MUC4: variants seen among roughly 807,000 people sequenced by gnomAD.
MUC4 encodes mucin-4.
Under a neutral mutation model 257.9 loss-of-function variants are expected in MUC4, and 202 were observed. The ratio of observed to expected loss-of-function variants is 0.78; its 90% confidence interval spans 0.70 to 0.88. The LOEUF (loss-of-function observed/expected upper bound fraction) is 0.88, where lower values mean the gene tolerates loss of function less well. Among genes scored for constraint, MUC4 ranks in the 40% least tolerant of loss-of-function variants. MUC4 has a pLI of 0.00. For synonymous variants in MUC4, 2,351 were observed against 2,757.1 expected, an observed-to-expected ratio of 0.85 and a Z score of 4.62; for missense variants, 5,976 against 6,513.7, an observed-to-expected ratio of 0.92 and a Z score of 2.84.
At chr3:195,767,903 ACCATCACCATCG>A (rs1395445032) in intron 7 of MUC4, among the ~76,000 whole-genome samples, 1 of 133,292 alleles carries the variant, frequency 7.5e-6, no homozygotes, top group Non-Finnish European at 1.5e-5. Context: ...CACCATCACC[ACCATCACCATCG>A]CCACTGCCAC....
In MUC4 at chr3:195,760,966, G is replaced by A; in HGVS notation, c.14766C>T (p.Asp4922=). The A allele has an allele frequency of 6.2e-7, 1 of 1,614,214 alleles. No homozygotes were observed. The highest frequency in any genetic ancestry group is 8.5e-7 in the Non-Finnish European group (1 of 1,180,032). Residue 4922 remains aspartate (D), a synonymous_variant, in exon 16 of 25, where the codon GAC becomes GAT. Transcript: ENST00000463781. ...TGCTTGCGTTGCGCAGGGCCAGGGT[G>A]TCATAGATGCATGAGCTATCTCCGT... ...NCDGDSSCIY[D]TLALRNASIG... is the part of the protein sequence containing the mutation.
At position 195,765,390 on chromosome 3, in the gene MUC4, C is replaced by T. The variant is rs777529013; in HGVS notation, c.13678G>A (p.Glu4560Lys). 13 of 1,613,406 alleles carry T rather than the reference C, an allele frequency of 8.1e-6. No individual in the cohort carries two copies. The highest frequency in any genetic ancestry group is 4.5e-5 in the East Asian group (2 of 44,890). The change falls in exon 9 of 25, where the codon GAG becomes AAG. Residue 4560 changes from glutamate to lysine, a missense_variant. By Grantham distance (56) the Glu-to-Lys change is moderately conservative. Coordinates refer to ENST00000463781, the MANE Select transcript of MUC4 (RefSeq NM_018406.7). The stretch of plus-strand genomic sequence containing the variant: ...TGGCTCTTCAGCCACTGCAGGCACT[C>T]GAGACGGTAGTTGGGCCTTTCTTCC... Reference protein sequence around the residue: ...HREERPNYRLECLQWLKSQPR... With the variant: ...HREERPNYRLKCLQWLKSQPR...
At chr3:195,762,325 C>G (rs182430335) in intron 13 of MUC4, 71 bp from the exon 14 acceptor site, 2 of 1,457,598 alleles carry the variant, frequency 1.4e-6, no homozygotes, top group Admixed American at 2.3e-5. Flanking sequence ...CGCGCCCTGC[C>G]GGGCCCGCAC....
At position 195,792,972 on chromosome 3, in the gene MUC4, G is replaced by A. The variant is rs570298765; in HGVS notation, c.83-1475C>T. Among the ~76,000 whole-genome samples the A allele has an allele frequency of 2.6e-5, 4 of 152,242 alleles. No individual in the cohort carries two copies. In the East Asian group the frequency reaches 7.7e-4, roughly 29 times the overall value. On this transcript the variant is annotated intron_variant, in intron 1 of 24. Coordinates refer to ENST00000463781, the MANE Select transcript of MUC4 (RefSeq NM_018406.7). ...ACAGAGAGGGGAACAACACACACTG[G>A]CGCCTGTCAGGGACGGGACAAGGGG...
chr3:195,770,838 C>T (rs1312477365), intron 5 of MUC4: 1 of 458,418 alleles, frequency 2.2e-6, no homozygotes, highest in Admixed American at 2.4e-5. Context: ...TCCAGGAGCA[C>T]AGGACGGGCC....
At chr3:195,771,306 T>C (rs1196561686) in intron 5 of MUC4, among the ~76,000 whole-genome samples, 1 of 86,644 alleles carries the variant, frequency 1.2e-5, no homozygotes, top group Non-Finnish European at 2.4e-5. Context: ...GTCTCGTGGT[T>C]GGGTTGGGGT....
At chr3:195,802,266 G>A (rs939358288) in intron 1 of MUC4, among the ~76,000 whole-genome samples, 51 of 151,350 alleles carry the variant, frequency 3.4e-4, no homozygotes, top group East Asian at 3.9e-4. Flanking sequence ...GTCAGTACTC[G>A]TTGATCTTCC....
intron 14 of MUC4, 150 bp from the exon 15 acceptor site, chr3:195,761,735 G>A: frequency 1.5e-6 from 1 of 658,270 alleles, no homozygotes; most frequent in Non-Finnish European, 2.6e-6. Context: ...CGGGAGGACG[G>A]GCCCTCACAC....
At chr3:195,751,159 G>C in intron 22 of MUC4, 47 bp from the exon 23 acceptor site, 1 of 1,507,846 alleles carries the variant, frequency 6.6e-7, no homozygotes, top group Non-Finnish European at 9.0e-7. Flanking sequence ...CTGGGGGTGG[G>C]GGATGAGGAA....
chr3:195,790,419 G>C lies in MUC4; in HGVS notation c.1161C>G (p.Phe387Leu). ...TSSPSSVSNT[F>L]LVTSKVFRMP... is the part of the protein sequence containing the mutation. ...TTCTGAACACCTTTGATGTTACCAG[G>C]AATGTATTGCTGACACTGGAAGGGG... Residue 387 changes from phenylalanine (F) to leucine (L), a missense_variant, in exon 2 of 25, where the codon TTC (phenylalanine) becomes TTG (leucine). Physicochemically the swap from Phe to Leu is conservative, Grantham distance 22. This residue lies in a region of MUC4 where 1,583 missense variants were observed against 1,257.4 expected (regional missense o/e 1.26). Transcript: ENST00000463781. The C allele has an allele frequency of 6.2e-7, 1 of 1,613,568 alleles. No homozygotes were observed. Among genetic ancestry groups the C allele is most frequent in the Non-Finnish European group, 8.5e-7 (1 of 1,179,510 alleles).
At chr3:195,796,035 A>G (rs1046728362) in intron 1 of MUC4, among the ~76,000 whole-genome samples, 2 of 152,084 alleles carry the variant, frequency 1.3e-5, no homozygotes, top group Non-Finnish European at 2.9e-5. Flanking sequence ...ATCAAAAATG[A>G]ATTAAGAAAA....
Position 195,757,711 on chromosome 3 carries a change from C to G in MUC4, c.14987-383G>C, listed in dbSNP as rs1038901948. Among the ~76,000 whole-genome samples, 1 of 152,172 alleles carries G rather than the reference C, an allele frequency of 6.6e-6. No individual in the cohort carries two copies. Among genetic ancestry groups the G allele is most frequent in the African/African-American group, 2.4e-5 (1 of 41,432 alleles). On this transcript the variant is annotated intron_variant, in intron 17 of 24. Coordinates refer to ENST00000463781, the MANE Select transcript of MUC4 (RefSeq NM_018406.7). The surrounding 1 kb of genome is among the most constrained non-coding windows in gnomAD (Gnocchi z 4.8). ...CGCTGCCGGCCAAACTGGCTTCACT[C>G]TCACGGCAGCCCCATCCTTTGCCCT...
intron 16 of MUC4, among the ~76,000 whole-genome samples, chr3:195,759,935 G>GCACGCACACACACACACACACA (rs1182452846): frequency 8.6e-6 from 1 of 115,902 alleles, no homozygotes; most frequent in Non-Finnish European, 2.1e-5. Flanking sequence ...ACACACACAC[G>GCACGCACACACACACACACACA]CACAAAACCT....
At chr3:195,767,882 A>C (rs977410348) in intron 7 of MUC4, among the ~76,000 whole-genome samples, 26 of 139,666 alleles carry the variant, frequency 1.9e-4, no homozygotes, top group African/African-American at 5.3e-4. Context: ...CACCATCACC[A>C]CCATCACCAC....
chr3:195,760,846 G>A (rs768401859), intron 16 of MUC4, 38 bp downstream of exon 16: 22 of 1,573,210 alleles, frequency 1.4e-5, no homozygotes, highest in South Asian at 4.4e-5. Flanking sequence ...ATCTGCTCCC[G>A]ACTCTGAAAA....
At chr3:195,762,778 C>A (rs1719479228) in intron 13 of MUC4, 77 bp downstream of exon 13, 1 of 1,378,658 alleles carries the variant, frequency 7.3e-7, no homozygotes, top group African/African-American at 1.5e-5. Flanking sequence ...GCGCCCGGCC[C>A]TGCACCGCAA....
intron 6 of MUC4, 104 bp from the exon 7 acceptor site, chr3:195,769,256 C>A: frequency 6.7e-7 from 1 of 1,490,932 alleles, no homozygotes; most frequent in East Asian, 2.4e-5. Flanking sequence ...ACACGCACAG[C>A]ACCTGTTCCT....
At chr3:195,773,974 G>A (rs1723769168) in intron 4 of MUC4, among the ~76,000 whole-genome samples, 198 bp downstream of exon 4, 1 of 152,250 alleles carries the variant, frequency 6.6e-6, no homozygotes, top group Non-Finnish European at 1.5e-5. Flanking sequence ...AAGCAGCGGT[G>A]GGCCCAGCAG....
chr3:195,760,659 G>T (rs73892863), intron 16 of MUC4, among the ~76,000 whole-genome samples: 1 of 135,232 alleles, frequency 7.4e-6, no homozygotes, highest in Non-Finnish European at 1.5e-5. Flanking sequence ...CTGGGAAGGC[G>T]TCCAGCACTA....
Sources: gnomAD v4.1 joint callset for allele counts (sites outside exome capture counted in the v4.1 genomes callset) on GRCh38, gnomAD v4.1.1 for gene constraint, gnomAD v4.1.1 regional missense constraint, Gnocchi (gnomAD v3.1) non-coding constraint, MANE v1.5 for transcripts, NCBI Gene and HGNC (gene_info 2026-07-23, HGNC 2026-07-21) for gene names.